EPHA6: variants seen among roughly 807,000 people sequenced by gnomAD.
EPHA6 encodes the protein EPH receptor A6.
In EPHA6, 50 loss-of-function variants were observed where a neutral mutation model predicts 112.0. The observed-to-expected ratio is 0.45, with a 90% CI of 0.36 to 0.56. The LOEUF (loss-of-function observed/expected upper bound fraction) is 0.56, where lower values mean the gene tolerates loss of function less well. EPHA6 is among the 20% of genes least tolerant of loss of function. The pLI is 0.00. For missense variants in EPHA6, 1,280 were observed against 1,417.4 expected, an observed-to-expected ratio of 0.90 and a Z score of 1.56; for synonymous variants, 529 against 490.7, an observed-to-expected ratio of 1.08 and a Z score of -1.03.
At chr3:96,874,747 A>G (rs1347110125) in intron 2 of EPHA6, among the ~76,000 whole-genome samples, 1 of 152,114 alleles carries the variant, frequency 6.6e-6, no homozygotes, top group African/African-American at 2.4e-5. Context: ...GACTAAGCCA[A>G]TCAGACTCCT....
chr3:97,248,687 A>G (rs769056976), intron 5 of EPHA6, among the ~76,000 whole-genome samples: 12 of 152,244 alleles, frequency 7.9e-5, no homozygotes, highest in Non-Finnish European at 8.8e-5. Flanking sequence ...ACCATTCTGT[A>G]TAGGCCTGCC....
chr3:96,976,487 T>C (rs1468982369), intron 2 of EPHA6, among the ~76,000 whole-genome samples: 1 of 152,086 alleles, frequency 6.6e-6, no homozygotes, highest in African/African-American at 2.4e-5. Context: ...CAAAGTACTT[T>C]ATGACGTTAA....
intron 3 of EPHA6, among the ~76,000 whole-genome samples, chr3:97,142,869 A>G (rs13320880): frequency 0.066 from 10,060 of 151,980 alleles, 379 homozygotes; most frequent in Middle Eastern, 0.14. Context: ...ACTCACAGAG[A>G]ACATCATACT....
At chr3:97,166,058 G>A (rs1239929336) in intron 3 of EPHA6, among the ~76,000 whole-genome samples, 1 of 151,914 alleles carries the variant, frequency 6.6e-6, no homozygotes, top group Non-Finnish European at 1.5e-5. Flanking sequence ...ATATCTAATG[G>A]ACCACTATGT....
chr3:96,965,636 T>G (rs1415575047), intron 2 of EPHA6, among the ~76,000 whole-genome samples: 2 of 152,182 alleles, frequency 1.3e-5, no homozygotes, highest in East Asian at 3.8e-4. Flanking sequence ...TGTATGATGT[T>G]GAGTAGAAAT....
At chr3:97,297,800 G>A (rs1396799897) in intron 5 of EPHA6, among the ~76,000 whole-genome samples, 2 of 152,054 alleles carry the variant, frequency 1.3e-5, no homozygotes, top group Non-Finnish European at 2.9e-5. Flanking sequence ...GTCTCGCTCT[G>A]TTGCCCAGGC....
In EPHA6 at chr3:97,466,589, G is replaced by A. The variant is rs555735757; in HGVS notation, c.1895-8763G>A. On this transcript the variant is annotated intron_variant, in intron 7 of 17. Transcript: ENST00000389672. ...TCAGTTCTGTTTTCTTCTCTGATGGGTTTGTCTTCAGTATTCTCATGTATT... is the reference window on the plus strand; with the variant it reads ...TCAGTTCTGTTTTCTTCTCTGATGGATTTGTCTTCAGTATTCTCATGTATT... 4.4e-6 allele frequency: 3 copies of A among 679,804 alleles called. No individual in the cohort carries two copies. In the South Asian group the frequency reaches 5.3e-5, roughly 12 times the overall value. The allele number at this position is 679,804 out of a possible 1,614,324, so 42.1% of individuals were successfully genotyped here.
chr3:97,581,634 C>T (rs905899548), intron 11 of EPHA6, among the ~76,000 whole-genome samples: 2 of 152,234 alleles, frequency 1.3e-5, no homozygotes, highest in Non-Finnish European at 2.9e-5. Flanking sequence ...GTCCTCATAA[C>T]ATCAAATTTC....
At chr3:97,547,204 C>T (rs1367291820) in intron 11 of EPHA6, among the ~76,000 whole-genome samples, 3 of 152,014 alleles carry the variant, frequency 2.0e-5, no homozygotes, top group African/African-American at 7.3e-5. Context: ...TTTTATCTAC[C>T]TTTGGTCTTT....
intron 5 of EPHA6, among the ~76,000 whole-genome samples, chr3:97,328,418 G>A (rs552377354): frequency 6.6e-6 from 1 of 151,820 alleles, no homozygotes; most frequent in Admixed American, 6.6e-5. Flanking sequence ...ATCTCATTGT[G>A]GTTTTAATTT....
At chr3:96,924,296 ATTTGTT>A (rs2039922477) in intron 2 of EPHA6, among the ~76,000 whole-genome samples, 1 of 152,048 alleles carries the variant, frequency 6.6e-6, no homozygotes, top group Non-Finnish European at 1.5e-5. Context: ...AATGTTTTCC[ATTTGTT>A]TGTGTCGTCT....
intron 10 of EPHA6, among the ~76,000 whole-genome samples, chr3:97,508,148 TG>T (rs1200872406): frequency 6.6e-6 from 1 of 152,264 alleles, no homozygotes; most frequent in East Asian, 1.9e-4. Flanking sequence ...AAGTATTTTT[TG>T]TGTCTCTATC....
chr3:96,961,956 TATTAA>T (rs1212471572), intron 2 of EPHA6, among the ~76,000 whole-genome samples: 3 of 152,206 alleles, frequency 2.0e-5, no homozygotes, highest in African/African-American at 7.2e-5. Context: ...AAGGGTGCTT[TATTAA>T]GCTACTTAAC....
intron 15 of EPHA6, among the ~76,000 whole-genome samples, chr3:97,733,762 GAAAT>G (rs1440405427): frequency 1.3e-5 from 2 of 152,044 alleles, no homozygotes; most frequent in Admixed American, 6.6e-5. Context: ...TGCAAACTAT[GAAAT>G]AAATAATTTT....
intron 6 of EPHA6, among the ~76,000 whole-genome samples, chr3:97,425,713 C>A (rs2089061100): frequency 6.6e-6 from 1 of 152,316 alleles, no homozygotes; most frequent in African/African-American, 2.4e-5. Context: ...GACTTCCTTC[C>A]CAGAAAATTG....
chr3:97,527,663 G>A (rs955738245), intron 10 of EPHA6, among the ~76,000 whole-genome samples: 1 of 152,024 alleles, frequency 6.6e-6, no homozygotes, highest in Admixed American at 6.6e-5. Context: ...ACCATGCAGG[G>A]CCACATAGGG....
At chr3:96,840,298 G>T (rs2034662004) in intron 1 of EPHA6, among the ~76,000 whole-genome samples, 1 of 152,058 alleles carries the variant, frequency 6.6e-6, no homozygotes. Flanking sequence ...TACACCTCTT[G>T]GGGGTGGATT....
At chr3:96,958,295 G>GAA (rs1051731849) in intron 2 of EPHA6, among the ~76,000 whole-genome samples, 1 of 119,438 alleles carries the variant, frequency 8.4e-6, no homozygotes, top group African/African-American at 3.0e-5. Context: ...TGTCCCTAAA[G>GAA]AAAAAAAAAA....
intron 11 of EPHA6, among the ~76,000 whole-genome samples, chr3:97,581,445 T>C (rs531307166): frequency 6.6e-6 from 1 of 152,336 alleles, no homozygotes; most frequent in East Asian, 1.9e-4. Context: ...CCATGCCAAG[T>C]TCTATTGCAC....
Sources: allele counts gnomAD v4.1 joint callset (sites outside exome capture counted in the v4.1 genomes callset), GRCh38; gene constraint gnomAD v4.1.1; transcripts MANE v1.5; gene names NCBI Gene and HGNC (gene_info 2026-07-23, HGNC 2026-07-21).